NKAIN2: variants seen among roughly 807,000 people sequenced by gnomAD.
The protein encoded by NKAIN2 is sodium/potassium transporting ATPase interacting 2.
NKAIN2 carries 14 observed loss-of-function variants against 32.6 expected under a neutral mutation model. That is an observed-to-expected ratio of 0.43 (90% CI 0.28 to 0.67). NKAIN2 has a LOEUF of 0.67. Ranked by LOEUF, NKAIN2 falls within the 30% of genes least tolerant of loss-of-function variation. NKAIN2 has a pLI of 0.17. For missense variants in NKAIN2, 198 were observed against 258.3 expected (o/e 0.77, Z 1.60); for synonymous variants, 80 against 87.2 (o/e 0.92, Z 0.46).
At chr6:124,362,442 T>C (rs1799328701) in intron 3 of NKAIN2, among the ~76,000 whole-genome samples, 1 of 152,210 alleles carries the variant, frequency 6.6e-6, no homozygotes, top group African/African-American at 2.4e-5. Flanking sequence ...GATTATTTCC[T>C]CATTTCTTAA....
chr6:123,885,536 T>C (rs575641470), intron 1 of NKAIN2, among the ~76,000 whole-genome samples: 1 of 152,206 alleles, frequency 6.6e-6, no homozygotes, highest in African/African-American at 2.4e-5. Flanking sequence ...AGCTTGAAAA[T>C]ATTCTGGCAT....
intron 1 of NKAIN2, among the ~76,000 whole-genome samples, chr6:123,831,911 T>C (rs4897543): frequency 0.71 from 108,414 of 151,992 alleles, 38,803 homozygotes; most frequent in African/African-American, 0.75. Context: ...GCCTCGGCCT[T>C]GCAAAGTGCT....
chr6:124,739,996 T>A (rs550223089), intron 4 of NKAIN2, among the ~76,000 whole-genome samples: 5 of 151,930 alleles, frequency 3.3e-5, no homozygotes, highest in African/African-American at 1.2e-4. Flanking sequence ...AGCTGTTTCA[T>A]CTGAGACAAA....
At chr6:124,621,952 C>T (rs766765740) in intron 3 of NKAIN2, among the ~76,000 whole-genome samples, 5 of 152,116 alleles carry the variant, frequency 3.3e-5, no homozygotes, top group Non-Finnish European at 7.4e-5. Flanking sequence ...TTCCTTGGTT[C>T]TGAATGTGAA....
At chr6:124,736,694 GCA>G (rs1222232785) in intron 4 of NKAIN2, among the ~76,000 whole-genome samples, 2 of 151,930 alleles carry the variant, frequency 1.3e-5, no homozygotes, top group Admixed American at 1.3e-4. Context: ...TCTGTTTACA[GCA>G]CAGTTTACTG....
intron 1 of NKAIN2, among the ~76,000 whole-genome samples, chr6:124,090,934 G>A (rs1261286406): frequency 2.0e-5 from 3 of 151,934 alleles, no homozygotes; most frequent in African/African-American, 7.2e-5. Flanking sequence ...ATAAATCATA[G>A]CTGTGAACCA....
At chr6:124,128,712 T>C (rs1418788535) in intron 1 of NKAIN2, among the ~76,000 whole-genome samples, 1 of 152,220 alleles carries the variant, frequency 6.6e-6, no homozygotes, top group East Asian at 1.9e-4. Context: ...TTAATCTTGC[T>C]CTTCTTTCTT....
intron 1 of NKAIN2, among the ~76,000 whole-genome samples, chr6:124,200,854 TA>T (rs1488986917): frequency 5.9e-5 from 9 of 152,042 alleles, no homozygotes; most frequent in African/African-American, 2.2e-4. Context: ...GTTTGTATAG[TA>T]GGGGGTAAAA....
intron 3 of NKAIN2, among the ~76,000 whole-genome samples, chr6:124,518,614 G>C (rs1429514768): frequency 2.6e-5 from 4 of 152,080 alleles, no homozygotes; most frequent in Admixed American, 2.6e-4. Context: ...ACCAAGCCAT[G>C]ATAGGTCTAC....
intron 3 of NKAIN2, among the ~76,000 whole-genome samples, chr6:124,561,140 A>G (rs1780676734): frequency 6.6e-6 from 1 of 152,156 alleles, no homozygotes; most frequent in African/African-American, 2.4e-5. Flanking sequence ...TACTGAGGGG[A>G]AAAGTCCGAA....
intron 5 of NKAIN2, among the ~76,000 whole-genome samples, chr6:124,805,165 C>G (rs1207279773): frequency 5.3e-5 from 8 of 152,340 alleles, no homozygotes; most frequent in Admixed American, 2.6e-4. Flanking sequence ...AGCTGGAGAT[C>G]TGAGAATGGG....
intron 1 of NKAIN2, among the ~76,000 whole-genome samples, chr6:124,246,243 G>A (rs1437914011): frequency 6.6e-6 from 1 of 151,990 alleles, no homozygotes; most frequent in African/African-American, 2.4e-5. Context: ...CCACTAGGTT[G>A]ATCATTTAAA....
intron 1 of NKAIN2, among the ~76,000 whole-genome samples, chr6:124,078,463 T>A (rs763309637): frequency 4.6e-4 from 70 of 152,282 alleles, no homozygotes; most frequent in Non-Finnish European, 9.9e-4. Flanking sequence ...ATTATTGAGC[T>A]CATTTTACAG....
chr6:124,142,740 A>C (rs1787206319), intron 1 of NKAIN2, among the ~76,000 whole-genome samples: 1 of 152,242 alleles, frequency 6.6e-6, no homozygotes, highest in Admixed American at 6.5e-5. Flanking sequence ...GTCATAAATT[A>C]GGGGATTACT....
intron 1 of NKAIN2, among the ~76,000 whole-genome samples, chr6:124,031,894 C>T (rs1003621178): frequency 6.6e-6 from 1 of 152,010 alleles, no homozygotes; most frequent in Non-Finnish European, 1.5e-5. Context: ...TACCATTTGA[C>T]CCAGCAATCC....
At chr6:123,905,306 G>A (rs1774810872) in intron 1 of NKAIN2, among the ~76,000 whole-genome samples, 1 of 152,008 alleles carries the variant, frequency 6.6e-6, no homozygotes, top group South Asian at 2.1e-4. Context: ...TGGGTACTGT[G>A]CAATTAGTGG....
intron 1 of NKAIN2, among the ~76,000 whole-genome samples, chr6:124,081,711 T>A (rs1783974635): frequency 1.3e-5 from 2 of 152,038 alleles, no homozygotes; most frequent in Non-Finnish European, 2.9e-5. Flanking sequence ...ATATTGGGAA[T>A]CAAAATTCTG....
At chr6:124,220,544 T>TATAA (rs907674490) in intron 1 of NKAIN2, among the ~76,000 whole-genome samples, 7 of 150,998 alleles carry the variant, frequency 4.6e-5, no homozygotes, top group Non-Finnish European at 8.9e-5. Flanking sequence ...TATGTATATA[T>TATAA]ATATATATTG....
chr6:124,117,299 C>A (rs1464852348), intron 1 of NKAIN2, among the ~76,000 whole-genome samples: 2 of 152,108 alleles, frequency 1.3e-5, no homozygotes. Context: ...TATATCTAAG[C>A]AAAAGGTAAA....
Sources: gnomAD v4.1 joint callset for allele counts (sites outside exome capture counted in the v4.1 genomes callset) on GRCh38, gnomAD v4.1.1 for gene constraint, MANE v1.5 for transcripts, NCBI Gene and HGNC (gene_info 2026-07-23, HGNC 2026-07-21) for gene names.